Variants in LRRC8C observed in about 807,000 individuals in gnomAD.
LRRC8C encodes leucine rich repeat containing 8 VRAC subunit C.
In LRRC8C, 20 loss-of-function variants were observed where a neutral mutation model predicts 55.3. That is an observed-to-expected ratio of 0.36 (90% CI 0.25 to 0.53). The LOEUF is 0.53. Ranked by LOEUF, LRRC8C falls within the 20% of genes least tolerant of loss-of-function variation. The pLI, the probability that LRRC8C is intolerant of heterozygous loss-of-function variation, is 0.92. For synonymous variants in LRRC8C, 376 were observed against 360.7 expected (o/e 1.04, Z -0.48); for missense variants, 659 against 951.4 (o/e 0.69, Z 4.04).
chr1:89,618,315 A>C, the LRRC8C span, among the ~76,000 whole-genome samples: 1 of 152,228 alleles, frequency 6.6e-6, no homozygotes, highest in Non-Finnish European at 1.5e-5. Flanking sequence ...GAAAAAGACC[A>C]ATATACTCTT....
At chr1:89,702,000 A>T (rs1378826232) in intron 2 of LRRC8C, among the ~76,000 whole-genome samples, 1 of 152,020 alleles carries the variant, frequency 6.6e-6, no homozygotes, top group Non-Finnish European at 1.5e-5. Context: ...AAAAGTCCTC[A>T]CTCCCAAAAA....
chr1:89,653,930 C>T (rs886662051), intron 1 of LRRC8C, among the ~76,000 whole-genome samples: 7 of 152,160 alleles, frequency 4.6e-5, no homozygotes, highest in Non-Finnish European at 1.0e-4. Context: ...GCTACCCGCA[C>T]TTGTATGTTT....
intron 1 of LRRC8C, among the ~76,000 whole-genome samples, chr1:89,655,777 C>T (rs1281286984): frequency 1.3e-5 from 2 of 152,168 alleles, no homozygotes; most frequent in Non-Finnish European, 2.9e-5. Context: ...CTCCTTACTA[C>T]CCTTGCTAAC....
At chr1:89,676,892 A>G (rs993132710) in intron 1 of LRRC8C, among the ~76,000 whole-genome samples, 8 of 152,200 alleles carry the variant, frequency 5.3e-5, no homozygotes, top group African/African-American at 1.4e-4. Flanking sequence ...CTGACATACA[A>G]TTCCCTCTCA....
chr1:89,651,234 C>G (rs1656766464), intron 1 of LRRC8C, among the ~76,000 whole-genome samples: 1 of 152,086 alleles, frequency 6.6e-6, no homozygotes, highest in Non-Finnish European at 1.5e-5. Context: ...CTGAGATTGG[C>G]TTTTCTATTT....
At chr1:89,632,470 C>G (rs528288675), upstream of LRRC8C, among the ~76,000 whole-genome samples, 2 of 152,300 alleles carry the variant, frequency 1.3e-5, no homozygotes, top group South Asian at 4.2e-4. Context: ...GCTTCATGAT[C>G]CAAGGATATT....
At chr1:89,712,674 T>G (rs1286545827) in intron 2 of LRRC8C, 35 bp from the exon 3 acceptor site, 1 of 1,477,942 alleles carries the variant, frequency 6.8e-7, no homozygotes, top group Non-Finnish European at 9.4e-7. Context: ...GCTCTTTGAG[T>G]AATATAATTT....
chr1:89,649,022 A>G, intron 1 of LRRC8C, among the ~76,000 whole-genome samples: 1 of 152,130 alleles, frequency 6.6e-6, no homozygotes, highest in African/African-American at 2.4e-5. Context: ...GCTTTTGTAA[A>G]TCATTCTTTT....
chr1:89,685,375 A>G (rs563657379), intron 1 of LRRC8C, among the ~76,000 whole-genome samples: 86 of 149,982 alleles, frequency 5.7e-4, no homozygotes, highest in African/African-American at 1.9e-3. Flanking sequence ...TCGGCCTCCC[A>G]AAGTGCTGGG....
At chr1:89,678,924 CAA>C (rs1267909692) in intron 1 of LRRC8C, among the ~76,000 whole-genome samples, 2 of 151,940 alleles carry the variant, frequency 1.3e-5, no homozygotes, top group Non-Finnish European at 2.9e-5. Flanking sequence ...TTGGACAGGC[CAA>C]GTTTGATGTG....
intron 1 of LRRC8C, among the ~76,000 whole-genome samples, chr1:89,675,411 A>G: frequency 6.6e-6 from 1 of 152,214 alleles, no homozygotes; most frequent in East Asian, 1.9e-4. Flanking sequence ...GAAAGAAAGC[A>G]GCATTCCCCG....
At chr1:89,669,745 C>G (rs768178788) in intron 1 of LRRC8C, among the ~76,000 whole-genome samples, 8 of 152,144 alleles carry the variant, frequency 5.3e-5, no homozygotes, top group Non-Finnish European at 1.2e-4. Context: ...ATGCTCCCAA[C>G]CACTATGATT....
chr1:89,621,278 G>C, the LRRC8C span, among the ~76,000 whole-genome samples: 1 of 145,492 alleles, frequency 6.9e-6, no homozygotes, highest in African/African-American at 2.6e-5. Context: ...GGCTAACATG[G>C]TGAAACCCCG....
chr1:89,716,884 A>G lies in LRRC8C; in HGVS notation c.*1902A>G, dbSNP rs1034277208. ...GTTCCTAAGTTGTGTTTTCAACTTTACATCATGAGGTGAAGCATTAGGGAA... is the reference window on the plus strand; with the variant it reads ...GTTCCTAAGTTGTGTTTTCAACTTTGCATCATGAGGTGAAGCATTAGGGAA... On this transcript the variant is annotated 3_prime_UTR_variant, in exon 3 of 3. Coordinates refer to ENST00000370454, the MANE Select transcript of LRRC8C (RefSeq NM_032270.5). The G allele has an allele frequency of 6.6e-6, 1 of 152,218 alleles. No homozygotes were observed. The highest frequency in any genetic ancestry group is 1.5e-5 in the Non-Finnish European group (1 of 68,042). 9.4% of individuals were successfully genotyped at this position (152,218 alleles called of 1,614,324 possible).
At chr1:89,704,598 G>A (rs1658420076) in intron 2 of LRRC8C, among the ~76,000 whole-genome samples, 2 of 152,116 alleles carry the variant, frequency 1.3e-5, no homozygotes, top group South Asian at 4.1e-4. Flanking sequence ...TGAAGGAATG[G>A]CAATGGGGAT....
intron 1 of LRRC8C, among the ~76,000 whole-genome samples, chr1:89,671,345 A>C (rs1387161688): frequency 6.7e-6 from 1 of 149,944 alleles, no homozygotes; most frequent in East Asian, 1.9e-4. Flanking sequence ...TACTCAAGGA[A>C]GGGAAGAAAA....
At chr1:89,647,855 G>C (rs976741266) in intron 1 of LRRC8C, among the ~76,000 whole-genome samples, 3 of 152,068 alleles carry the variant, frequency 2.0e-5, no homozygotes, top group Non-Finnish European at 4.4e-5. Flanking sequence ...TTGAGCGCAG[G>C]AGTTCAAAAC....
Position 89,713,113 on chromosome 1 carries a change from G to A in LRRC8C, c.543G>A (p.Glu181=). The change falls in exon 3 of 3, where the codon GAG becomes GAA. Residue 181 remains glutamate (E), a synonymous_variant. Coordinates refer to ENST00000370454, the MANE Select transcript of LRRC8C (RefSeq NM_032270.5). The surrounding 1 kb of genome is among the most constrained non-coding windows in gnomAD (Gnocchi z 5.2). ...TTRALSEVSG[E]DSEEKDNRKN... Reference sequence around the variant, plus strand: ...GGGCTTTATCTGAAGTGTCTGGGGAGGACTCAGAAGAAAAGGACAACAGGA... The same window carrying A: ...GGGCTTTATCTGAAGTGTCTGGGGAAGACTCAGAAGAAAAGGACAACAGGA... The A allele has an allele frequency of 6.2e-7, 1 of 1,613,754 alleles. No homozygotes were observed. The highest frequency in any genetic ancestry group is 8.5e-7 in the Non-Finnish European group (1 of 1,180,040).
rs548993640 is a variant in LRRC8C at position 89,655,085 on chromosome 1, CTG to C, written c.-5+21767_-5+21768del. ...TTCTTGCACTCTCTTCTTGATACCT[CTG>C]TGTCATTTTCTCCTTTCACTCTTTA... On this transcript the variant is annotated intron_variant, in intron 1 of 2. Transcript: ENST00000370454. 7.8e-4 allele frequency among the ~76,000 whole-genome samples: 119 copies of C among 152,146 alleles called. 1 individual carries two copies. The highest frequency in any genetic ancestry group is 1.3e-3 in the Non-Finnish European group (88 of 68,008).
Sources: gnomAD v4.1 joint callset for allele counts (sites outside exome capture counted in the v4.1 genomes callset) on GRCh38, gnomAD v4.1.1 for gene constraint, Gnocchi (gnomAD v3.1) non-coding constraint, MANE v1.5 for transcripts, NCBI Gene and HGNC (gene_info 2026-07-23, HGNC 2026-07-21) for gene names.